The following CDK14 variants were observed in gnomAD, a reference collection of about 807,000 sequenced individuals.
CDK14 encodes the protein cyclin-dependent kinase 14.
In CDK14, 34 loss-of-function variants were observed where a neutral mutation model predicts 60.7. That is an observed-to-expected ratio of 0.56 (90% CI 0.43 to 0.75). The LOEUF is 0.75. Ranked by LOEUF, CDK14 falls within the 30% of genes least tolerant of loss-of-function variation. CDK14 has a pLI of 0.00. For missense variants in CDK14, 482 were observed against 564.1 expected (o/e 0.85, Z 1.47); for synonymous variants, 197 against 203.7 (o/e 0.97, Z 0.28).
chr7:90,728,678 C>T (rs1802731950), intron 3 of CDK14, among the ~76,000 whole-genome samples: 1 of 151,920 alleles, frequency 6.6e-6, no homozygotes, highest in Non-Finnish European at 1.5e-5. Context: ...TTGTTTTGGT[C>T]TCTGCCTTAC....
chr7:90,919,957 A>G (rs1001777154), intron 8 of CDK14, among the ~76,000 whole-genome samples: 2 of 152,276 alleles, frequency 1.3e-5, no homozygotes, highest in Non-Finnish European at 2.9e-5. Flanking sequence ...CCTCAGAGGC[A>G]TGGACTGAAT....
At chr7:90,683,666 T>A (rs1563043601) in intron 2 of CDK14, among the ~76,000 whole-genome samples, 1 of 152,210 alleles carries the variant, frequency 6.6e-6, no homozygotes, top group Non-Finnish European at 1.5e-5. Context: ...CTGGGCGTCG[T>A]GGCACATGCC....
At chr7:91,188,506 A>G (rs1248493110) in intron 14 of CDK14, among the ~76,000 whole-genome samples, 2 of 152,176 alleles carry the variant, frequency 1.3e-5, no homozygotes, top group African/African-American at 4.8e-5. Context: ...ACCAGTTAAG[A>G]GCTAGAAACT....
intron 5 of CDK14, among the ~76,000 whole-genome samples, chr7:90,807,135 G>A (rs11975412): frequency 0.23 from 34,645 of 152,040 alleles, 4,427 homozygotes; most frequent in Middle Eastern, 0.31. Flanking sequence ...CTCCCAGCAC[G>A]CAGCTGGAGA....
chr7:90,864,310 A>G (rs1791105478), intron 6 of CDK14, among the ~76,000 whole-genome samples: 1 of 152,186 alleles, frequency 6.6e-6, no homozygotes, highest in African/African-American at 2.4e-5. Context: ...GCAGTTGCAT[A>G]TATTATGTGG....
At chr7:90,759,327 C>A (rs1238077521) in intron 4 of CDK14, among the ~76,000 whole-genome samples, 1 of 152,158 alleles carries the variant, frequency 6.6e-6, no homozygotes, top group Non-Finnish European at 1.5e-5. Context: ...CATTGGTTAT[C>A]AGACTCTCCA....
At chr7:91,190,569 A>G (rs1418877995) in intron 14 of CDK14, among the ~76,000 whole-genome samples, 4 of 152,196 alleles carry the variant, frequency 2.6e-5, no homozygotes, top group Non-Finnish European at 5.9e-5. Context: ...AGCTCACTGC[A>G]ATCTCTGTGT....
At chr7:90,818,017 T>G (rs1441895225) in intron 5 of CDK14, among the ~76,000 whole-genome samples, 7 of 152,318 alleles carry the variant, frequency 4.6e-5, no homozygotes, top group Non-Finnish European at 8.8e-5. Flanking sequence ...AGCACAGCTC[T>G]TAACACTAGG....
At chr7:90,906,526 C>T (rs1290305361) in intron 7 of CDK14, among the ~76,000 whole-genome samples, 1 of 151,814 alleles carries the variant, frequency 6.6e-6, no homozygotes, top group Admixed American at 6.6e-5. Context: ...CTAAATTTAG[C>T]AATTTTGACT....
chr7:90,955,531 A>C (rs1794384934), intron 8 of CDK14, among the ~76,000 whole-genome samples, 166 bp from the exon 9 acceptor site: 1 of 152,234 alleles, frequency 6.6e-6, no homozygotes, highest in African/African-American at 2.4e-5. Context: ...TGTTAAAAAC[A>C]GAAACCACAA....
intron 2 of CDK14, among the ~76,000 whole-genome samples, chr7:90,704,719 G>C (rs1357176201): frequency 6.6e-6 from 1 of 152,118 alleles, no homozygotes; most frequent in East Asian, 1.9e-4. Flanking sequence ...ACATTGCCAT[G>C]CAATGTCGTG....
At chr7:91,087,662 T>A (rs1281741783) in intron 12 of CDK14, among the ~76,000 whole-genome samples, 1 of 152,180 alleles carries the variant, frequency 6.6e-6, no homozygotes, top group African/African-American at 2.4e-5. Flanking sequence ...GTGCTCCCTG[T>A]CCTACCTCCC....
intron 5 of CDK14, among the ~76,000 whole-genome samples, chr7:90,798,228 A>C (rs997741960): frequency 1.3e-5 from 2 of 151,838 alleles, no homozygotes; most frequent in African/African-American, 4.8e-5. Flanking sequence ...TTCAAGGAAG[A>C]GAAATTAAAC....
At chr7:90,928,064 C>T (rs1317493624) in intron 8 of CDK14, among the ~76,000 whole-genome samples, 3 of 152,166 alleles carry the variant, frequency 2.0e-5, no homozygotes, top group Admixed American at 6.6e-5. Context: ...TCAGCTCCAT[C>T]AGCTCATTTA....
At chr7:91,200,585 C>A (rs1294569334) in intron 14 of CDK14, among the ~76,000 whole-genome samples, 2 of 152,098 alleles carry the variant, frequency 1.3e-5, no homozygotes, top group African/African-American at 2.4e-5. Flanking sequence ...AGAATAAATT[C>A]TTTAAACAGT....
intron 5 of CDK14, among the ~76,000 whole-genome samples, chr7:90,819,441 T>G (rs1305864998): frequency 6.6e-6 from 1 of 152,036 alleles, no homozygotes; most frequent in African/African-American, 2.4e-5. Context: ...TTTAGATAAC[T>G]CATGTTTACT....
At chr7:90,863,556 A>G (rs929673671) in intron 6 of CDK14, among the ~76,000 whole-genome samples, 4 of 152,162 alleles carry the variant, frequency 2.6e-5, no homozygotes, top group African/African-American at 9.6e-5. Context: ...GGTTTATTAC[A>G]TAGGATTCAA....
rs1057332870 is a variant in CDK14 at position 90,863,115 on chromosome 7, G to T, written c.545-60G>T. ...CTGACAGTGTGCCAAAATTATAATG[G>T]TATATATTAGTTGATTGTTATCCAC... On this transcript the variant is annotated intron_variant, in intron 5 of 14. Transcript: ENST00000380050. The T allele has an allele frequency of 4.6e-6, 4 of 867,546 alleles. No homozygotes were observed. In the African/African-American group the frequency reaches 6.8e-5, roughly 15 times the overall value. The allele number at this position is 867,546 out of a possible 1,614,324, so 53.7% of individuals were successfully genotyped here. A position where few individuals can be genotyped will look rare whatever the true frequency, so the allele number is the denominator to read the frequency against.
intron 11 of CDK14, among the ~76,000 whole-genome samples, chr7:91,064,420 C>A (rs1023205525): frequency 2.0e-5 from 3 of 152,232 alleles, no homozygotes. Context: ...TGGTCAATGT[C>A]TCTGTACCAT....
Sources: allele counts gnomAD v4.1 joint callset (sites outside exome capture counted in the v4.1 genomes callset), GRCh38; gene constraint gnomAD v4.1.1; transcripts MANE v1.5; gene names NCBI Gene and HGNC (gene_info 2026-07-23, HGNC 2026-07-21).